Variants in TNS3 observed in about 807,000 individuals in gnomAD.
TNS3 encodes the protein tensin-3.
A neutral mutation model predicts 140.9 loss-of-function variants in TNS3; 45 were observed. That is an observed-to-expected ratio of 0.32 (90% CI 0.25 to 0.41). The LOEUF (loss-of-function observed/expected upper bound fraction) is 0.41, where lower values mean the gene tolerates loss of function less well. Among genes scored for constraint, TNS3 ranks in the 10% least tolerant of loss-of-function variants. The probability of loss-of-function intolerance (pLI) is 1.00; values close to 1 mark genes in which losing one functional copy is unlikely to be tolerated. For synonymous variants in TNS3, 815 were observed against 788.4 expected, an observed-to-expected ratio of 1.03 and a Z score of -0.56; for missense variants, 1,716 against 1,906.7, an observed-to-expected ratio of 0.90 and a Z score of 1.86.
intron 4 of TNS3, among the ~76,000 whole-genome samples, chr7:47,444,718 A>G (rs1054189767): frequency 6.6e-6 from 1 of 152,168 alleles, no homozygotes; most frequent in Non-Finnish European, 1.5e-5. Context: ...AATCCAATTC[A>G]GCATTATAGG....
chr7:47,496,579 C>T (rs879664083), intron 3 of TNS3, among the ~76,000 whole-genome samples: 3 of 152,214 alleles, frequency 2.0e-5, no homozygotes, highest in Non-Finnish European at 2.9e-5. Context: ...CCGGCCAGAA[C>T]GTGTTTCAAG....
chr7:47,340,893 T>C (rs964870371), intron 20 of TNS3, among the ~76,000 whole-genome samples: 2 of 152,214 alleles, frequency 1.3e-5, no homozygotes, highest in Non-Finnish European at 2.9e-5. Flanking sequence ...TAGATGCTTT[T>C]TGTAAGGTTG....
intron 28 of TNS3, among the ~76,000 whole-genome samples, chr7:47,280,594 C>T (rs1424848259): frequency 2.6e-5 from 4 of 152,132 alleles, no homozygotes; most frequent in Admixed American, 6.5e-5. Flanking sequence ...AACTGTCAGC[C>T]GTGTGGAAGG....
rs755858323 is a variant in TNS3 at position 47,303,301 on chromosome 7, C to T, written c.3106G>A (p.Asp1036Asn). Residue 1036 changes from aspartate to asparagine, a missense_variant, in exon 22 of 31, where the codon GAC becomes AAC. By Grantham distance (23) the Asp-to-Asn change is conservative. Coordinates refer to ENST00000311160, the MANE Select transcript of TNS3 (RefSeq NM_022748.12). Reference protein sequence around the residue: ...PVGSGLPPEEDLGALLANSHG... With the variant: ...PVGSGLPPEENLGALLANSHG... Reference sequence around the variant, plus strand: ...GAATTGGCCAGCAAGGCCCCCAGGTCCTCCTCGGGCGGAAGGCCACTTCCC... The same window carrying T: ...GAATTGGCCAGCAAGGCCCCCAGGTTCTCCTCGGGCGGAAGGCCACTTCCC... The T allele has an allele frequency of 8.1e-6, 13 of 1,613,422 alleles. No individual in the cohort carries two copies. Among genetic ancestry groups the T allele is most frequent in the Non-Finnish European group, 1.0e-5 (12 of 1,179,850 alleles).
intron 17 of TNS3, among the ~76,000 whole-genome samples, chr7:47,356,967 C>T (rs1584471919): frequency 6.6e-6 from 1 of 150,804 alleles, no homozygotes; most frequent in African/African-American, 2.4e-5. Flanking sequence ...ACATGCCTGT[C>T]GTCCTAACTA....
At chr7:47,345,091 C>A (rs910875398) in intron 18 of TNS3, 53 bp from the exon 19 acceptor site, 5 of 1,444,726 alleles carry the variant, frequency 3.5e-6, no homozygotes, top group Non-Finnish European at 4.8e-6. Context: ...AGTGAAGGCC[C>A]CTCCAAACAG....
At chr7:47,360,222 G>A (rs1469562571) in intron 17 of TNS3, among the ~76,000 whole-genome samples, 1 of 152,194 alleles carries the variant, frequency 6.6e-6, no homozygotes, top group Non-Finnish European at 1.5e-5. Context: ...GTTATTAAAT[G>A]TGCACTCACA....
At chr7:47,548,215 AC>A (rs1799973338) in intron 1 of TNS3, among the ~76,000 whole-genome samples, 1 of 152,042 alleles carries the variant, frequency 6.6e-6, no homozygotes, top group African/African-American at 2.4e-5. Context: ...CCAGCTCCTA[AC>A]CTTCACGTTT....
At chr7:47,536,626 C>G (rs1380127567) in intron 1 of TNS3, among the ~76,000 whole-genome samples, 1 of 152,200 alleles carries the variant, frequency 6.6e-6, no homozygotes, top group East Asian at 1.9e-4. Flanking sequence ...TTTCAAGAGG[C>G]AGTTGAGTTA....
intron 1 of TNS3, among the ~76,000 whole-genome samples, chr7:47,552,375 C>T (rs532966466): frequency 3.4e-4 from 52 of 152,270 alleles, no homozygotes; most frequent in Admixed American, 3.2e-3. Context: ...AGACAGACCT[C>T]GTTTTATTGT....
intron 2 of TNS3, among the ~76,000 whole-genome samples, chr7:47,522,703 C>T (rs909699348): frequency 4.6e-5 from 7 of 152,126 alleles, no homozygotes; most frequent in South Asian, 2.1e-4. Context: ...CCAAAGCAGG[C>T]GGATCATGAG....
chr7:47,280,354 C>A lies in TNS3; in HGVS notation c.4098G>T (p.Lys1366Asn). ...QGITLTDNQRKLFFRRHYPVN... is the reference protein window; with the variant it reads ...QGITLTDNQRNLFFRRHYPVN... ...CGGGGTAATGCCTCCGGAAGAAGAGCCTGTTGGGACATGGGGGAGAGAGGA... is the reference window on the plus strand; with the variant it reads ...CGGGGTAATGCCTCCGGAAGAAGAGACTGTTGGGACATGGGGGAGAGAGGA... The change falls in exon 29 of 31, where the codon AAG (lysine) becomes AAT (asparagine). Residue 1366 changes from lysine to asparagine, a missense_variant and splice_region_variant. Coordinates refer to ENST00000311160, the MANE Select transcript of TNS3 (RefSeq NM_022748.12). 1 of 1,614,072 alleles carries A rather than the reference C, an allele frequency of 6.2e-7. No individual in the cohort carries two copies. The highest frequency in any genetic ancestry group is 8.5e-7 in the Non-Finnish European group (1 of 1,180,032).
At chr7:47,531,222 T>C (rs1311179062) in intron 1 of TNS3, among the ~76,000 whole-genome samples, 2 of 151,978 alleles carry the variant, frequency 1.3e-5, no homozygotes. Flanking sequence ...AATTTACCTA[T>C]ATAATAAACC....
At chr7:47,563,171 C>G (rs1460700483) in intron 1 of TNS3, among the ~76,000 whole-genome samples, 1 of 152,226 alleles carries the variant, frequency 6.6e-6, no homozygotes, top group Non-Finnish European at 1.5e-5. Flanking sequence ...CAGCCAGGAG[C>G]TGCATGGGCA....
At chr7:47,454,758 C>CAGCCAGGCAG (rs1406798778) in intron 4 of TNS3, among the ~76,000 whole-genome samples, 6 of 152,154 alleles carry the variant, frequency 3.9e-5, no homozygotes, top group African/African-American at 1.2e-4. Context: ...AGGCAGCGGC[C>CAGCCAGGCAG]AGCCAGGCAG....
At chr7:47,488,910 G>A (rs1797709992) in intron 3 of TNS3, among the ~76,000 whole-genome samples, 1 of 152,160 alleles carries the variant, frequency 6.6e-6, no homozygotes, top group Non-Finnish European at 1.5e-5. Flanking sequence ...GAGGCCCAGG[G>A]TCAGATTTTC....
At chr7:47,393,746 T>C (rs1792667355) in intron 16 of TNS3, among the ~76,000 whole-genome samples, 1 of 152,152 alleles carries the variant, frequency 6.6e-6, no homozygotes, top group Non-Finnish European at 1.5e-5. Context: ...GACAAAGCTG[T>C]GAATCTGGCT....
chr7:47,476,096 C>T (rs1381048813), intron 4 of TNS3, among the ~76,000 whole-genome samples: 2 of 152,372 alleles, frequency 1.3e-5, no homozygotes, highest in Non-Finnish European at 2.9e-5. Context: ...CTTCCCCACA[C>T]ATCACGTGTC....
At chr7:47,387,004 A>G (rs979850562) in intron 16 of TNS3, among the ~76,000 whole-genome samples, 6 of 152,234 alleles carry the variant, frequency 3.9e-5, no homozygotes, top group Admixed American at 1.3e-4. Flanking sequence ...GTAACAGAAT[A>G]CAACAACTGC....
Sources: allele counts gnomAD v4.1 joint callset (sites outside exome capture counted in the v4.1 genomes callset), GRCh38; gene constraint gnomAD v4.1.1; transcripts MANE v1.5; gene names NCBI Gene and HGNC (gene_info 2026-07-23, HGNC 2026-07-21).